The following CFAP45 variants were observed in gnomAD, a reference collection of about 807,000 sequenced individuals.
The protein encoded by CFAP45 is cilia and flagella associated protein 45.
Under a neutral mutation model 75.6 loss-of-function variants are expected in CFAP45, and 43 were observed. That is an observed-to-expected ratio of 0.57 (90% confidence interval 0.45 to 0.73). The LOEUF (loss-of-function observed/expected upper bound fraction) is 0.73. Ranked by LOEUF, CFAP45 falls within the 30% of genes least tolerant of loss-of-function variation. The pLI, the probability that CFAP45 is intolerant of heterozygous loss-of-function variation, is 0.00. For missense variants in CFAP45, 689 were observed against 701.5 expected (o/e 0.98, Z 0.20); for synonymous variants, 223 against 244.6 (o/e 0.91, Z 0.82).
In CFAP45 at chr1:159,876,680, C is replaced by T. The variant is rs767920511; in HGVS notation, c.1228G>A (p.Ala410Thr). 1.2e-6 allele frequency: 2 copies of T among 1,614,214 alleles called. No individual in the cohort carries two copies. The highest frequency in any genetic ancestry group is 1.7e-6 in the Non-Finnish European group (2 of 1,180,034). Residue 410 changes from alanine to threonine, a missense_variant, in exon 10 of 12, where the codon GCG (alanine) becomes ACG (threonine). Physicochemically the swap from Ala to Thr is moderately conservative, Grantham distance 58. Coordinates refer to ENST00000368099, the MANE Select transcript of CFAP45 (RefSeq NM_012337.3). Reference sequence around the variant, plus strand: ...GCCTCTGTTTCCATCTTCTTCCGCGCATTTTCCTTTTCCTTTCTGCGCCAC... The same window carrying T: ...GCCTCTGTTTCCATCTTCTTCCGCGTATTTTCCTTTTCCTTTCTGCGCCAC... ...REWRRKEKEN[A>T]RKKMETEAEL...
At chr1:159,886,386 T>C in intron 6 of CFAP45, 125 bp downstream of exon 6, 2 of 883,080 alleles carry the variant, frequency 2.3e-6, no homozygotes, top group Non-Finnish European at 3.6e-6. Flanking sequence ...CTTCGTAAAG[T>C]TTTGAGATAA....
intron 8 of CFAP45, among the ~76,000 whole-genome samples, chr1:159,878,142 C>T (rs572038403): frequency 6.6e-6 from 1 of 152,130 alleles, no homozygotes; most frequent in Non-Finnish European, 1.5e-5. Flanking sequence ...CTGGCTTTCA[C>T]ACTCCTTCCA....
At chr1:159,888,769 A>G (rs1228689944) in intron 3 of CFAP45, among the ~76,000 whole-genome samples, 3 of 135,844 alleles carry the variant, frequency 2.2e-5, no homozygotes, top group African/African-American at 5.3e-5. Flanking sequence ...ACCCCCCATC[A>G]TGTCCACATG....
intron 10 of CFAP45, among the ~76,000 whole-genome samples, chr1:159,874,455 T>C (rs578194633): frequency 6.6e-6 from 1 of 152,346 alleles, no homozygotes; most frequent in African/African-American, 2.4e-5. Context: ...TACTGTTGGC[T>C]TCCTCAGCCC....
Position 159,876,540 on chromosome 1 carries a change from C to G in CFAP45, c.1352+16G>C, listed in dbSNP as rs199555795. On this transcript the variant is annotated intron_variant, in intron 10 of 11. Coordinates refer to ENST00000368099, the MANE Select transcript of CFAP45 (RefSeq NM_012337.3). ...AGTACAAGGAAAGGAATCCAAGGTT[C>G]CCAGGCCCCTCCTACCGAAGAATCC... 3.3e-4 allele frequency: 525 copies of G among 1,581,648 alleles called. No individual in the cohort carries two copies. Among genetic ancestry groups the G allele is most frequent in the Non-Finnish European group, 4.1e-4 (472 of 1,150,762 alleles).
rs1293749760 is a variant in CFAP45, at chr1:159,886,633, C to T, written c.645G>A (p.Gln215=). Residue 215 remains glutamine, a synonymous_variant, in exon 6 of 12, where the codon CAG becomes CAA. Coordinates refer to ENST00000368099, the MANE Select transcript of CFAP45 (RefSeq NM_012337.3). ...AIRDAQILEK[Q]QIQKELDTEE... ...CTGTGTCCAGTTCTTTTTGGATCTGCTGCTTCTCCAGGATTTGGGCATCCC... is the reference window on the plus strand; with the variant it reads ...CTGTGTCCAGTTCTTTTTGGATCTGTTGCTTCTCCAGGATTTGGGCATCCC... 6.2e-7 allele frequency: 1 copy of T among 1,613,978 alleles called. No individual in the cohort carries two copies. Among genetic ancestry groups the T allele is most frequent in the East Asian group, 2.2e-5 (1 of 44,892 alleles).
intron 1 of CFAP45, among the ~76,000 whole-genome samples, chr1:159,898,459 G>A (rs1376564496): frequency 1.3e-5 from 2 of 152,066 alleles, no homozygotes; most frequent in African/African-American, 4.8e-5. Flanking sequence ...ATACGTACAC[G>A]AACACACACA....
rs1191557079 is a variant in CFAP45 at position 159,876,601 on chromosome 1, G to A, written c.1307C>T (p.Ala436Val). The A allele has an allele frequency of 4.3e-6, 7 of 1,614,028 alleles. No homozygotes were observed. The Admixed American group carries it at 1.0e-4, about 23-fold the overall frequency. The change falls in exon 10 of 12, where the codon GCT (alanine) becomes GTT (valine). Residue 436 changes from alanine (A) to valine (V), a missense_variant. Ala to Val is a moderately conservative substitution (Grantham distance 64). Transcript: ENST00000368099. Reference sequence around the variant, plus strand: ...ATCCCGGTCCCGTTGCACCTGAACAGCCAGAGCGTGCTCCTTGAAAGCCAC... The same window carrying A: ...ATCCCGGTCCCGTTGCACCTGAACAACCAGAGCGTGCTCCTTGAAAGCCAC... ...EQVAFKEHAL[A>V]VQVQRDRDEF...
intron 10 of CFAP45, among the ~76,000 whole-genome samples, chr1:159,873,566 G>A (rs1041397309): frequency 6.6e-6 from 1 of 152,272 alleles, no homozygotes; most frequent in South Asian, 2.1e-4. Flanking sequence ...AACCACCTGG[G>A]CTCAAGTGAT....
chr1:159,899,699 C>T (rs1258018146), intron 1 of CFAP45, among the ~76,000 whole-genome samples: 1 of 151,714 alleles, frequency 6.6e-6, no homozygotes, highest in Non-Finnish European at 1.5e-5. Flanking sequence ...GATCTCCTGA[C>T]CTCATGATCC....
intron 8 of CFAP45, among the ~76,000 whole-genome samples, chr1:159,878,763 A>AAAAAAAAAT: frequency 8.0e-6 from 1 of 125,582 alleles, no homozygotes; most frequent in African/African-American, 2.8e-5. Flanking sequence ...TAAAAAAAAA[A>AAAAAAAAAT]AAAAAAAAAA....
At chr1:159,875,670 C>A (rs144917871) in intron 10 of CFAP45, among the ~76,000 whole-genome samples, 1 of 152,172 alleles carries the variant, frequency 6.6e-6, no homozygotes, top group Admixed American at 6.5e-5. Flanking sequence ...CCCTTCAATT[C>A]GAATTTTGCT....
chr1:159,872,979 G>A lies in CFAP45; in HGVS notation c.1542C>T (p.Ile514=), dbSNP rs144795673. ...CAAGCTTTTTCCTCTTGATCTCATC[G>A]ATGCGCTCACGGCGTTTCTGGGCCT... ...KEEAQKRRER[I]DEIKRKKLEE... Residue 514 remains isoleucine (I), a synonymous_variant, in exon 11 of 12, where the codon ATC becomes ATT. Transcript: ENST00000368099. The A allele has an allele frequency of 5.8e-5, 94 of 1,614,072 alleles. No homozygotes were observed. Among genetic ancestry groups the A allele is most frequent in the Non-Finnish European group, 7.4e-5 (87 of 1,180,036 alleles).
chr1:159,894,419 C>T (rs1014274209), intron 1 of CFAP45, among the ~76,000 whole-genome samples: 12 of 152,168 alleles, frequency 7.9e-5, no homozygotes, highest in African/African-American at 1.9e-4. Context: ...TGACCTCCTT[C>T]GTGTCTCCAC....
rs1223465039 is a variant in CFAP45, at chr1:159,876,749, C to T, written c.1159G>A (p.Asp387Asn). Reference protein sequence around the residue: ...EKAQDYQAEQDALRAKRNQEV... With the variant: ...EKAQDYQAEQNALRAKRNQEV... ...TGGTTGCGCTTGGCCCGCAAGGCAT[C>T]CTGGGAATGTTGGCAGGGGACCAGT... The change falls in exon 10 of 12, where the codon GAT (aspartate) becomes AAT (asparagine). Residue 387 changes from aspartate (D) to asparagine (N), a missense_variant and splice_region_variant. Coordinates refer to ENST00000368099, the MANE Select transcript of CFAP45 (RefSeq NM_012337.3). 2 of 1,614,002 alleles carry T rather than the reference C, an allele frequency of 1.2e-6. No individual in the cohort carries two copies. Among genetic ancestry groups the T allele is most frequent in the Non-Finnish European group, 8.5e-7 (1 of 1,180,034 alleles).
At position 159,886,504 on chromosome 1, in the gene CFAP45, T is replaced by A; in HGVS notation, c.767+7A>T. On this transcript the variant is annotated splice_region_variant and intron_variant, in intron 6 of 11. Coordinates refer to ENST00000368099, the MANE Select transcript of CFAP45 (RefSeq NM_012337.3). ...TAGAGAGGGAGATGCCAAAACCACA[T>A]CTTTACCTAATTCTTTCCTCCCTCC... 1 of 1,613,574 alleles carries A rather than the reference T, an allele frequency of 6.2e-7. No individual in the cohort carries two copies. Among genetic ancestry groups the A allele is most frequent in the Non-Finnish European group, 8.5e-7 (1 of 1,179,488 alleles).
At position 159,887,831 on chromosome 1, in the gene CFAP45, A is replaced by C. The variant is rs1481912210; in HGVS notation, c.588+10T>G. ...AATGCTCAGAGGGAAGGGAGAGACG[A>C]AGAGCCCACCTTGCTCATGTCCTTG... is the stretch of plus-strand genomic sequence containing the variant. On this transcript the variant is annotated intron_variant, in intron 5 of 11. Transcript: ENST00000368099. The C allele has an allele frequency of 6.2e-7, 1 of 1,606,608 alleles. No individual in the cohort carries two copies. The highest frequency in any genetic ancestry group is 1.3e-5 in the African/African-American group (1 of 74,730).
At chr1:159,883,650 A>G (rs1649607913) in intron 7 of CFAP45, among the ~76,000 whole-genome samples, 1 of 149,222 alleles carries the variant, frequency 6.7e-6, no homozygotes, top group African/African-American at 2.5e-5. Context: ...ATATATATAT[A>G]TATACACACA....
At chr1:159,894,232 G>A (rs1248797124) in intron 1 of CFAP45, among the ~76,000 whole-genome samples, 4 of 152,212 alleles carry the variant, frequency 2.6e-5, no homozygotes, top group African/African-American at 9.6e-5. Flanking sequence ...AAGGAAGCAG[G>A]AATGGCAGGA....
Sources: allele counts gnomAD v4.1 joint callset (sites outside exome capture counted in the v4.1 genomes callset), GRCh38; gene constraint gnomAD v4.1.1; transcripts MANE v1.5; gene names NCBI Gene and HGNC (gene_info 2026-07-23, HGNC 2026-07-21).